Variants in PER2 observed in about 807,000 individuals in gnomAD.
The protein encoded by PER2 is period circadian protein homolog 2.
Under a neutral mutation model 121.0 loss-of-function variants are expected in PER2, and 66 were observed. The observed-to-expected ratio is 0.55, with a 90% CI of 0.45 to 0.67. The LOEUF (loss-of-function observed/expected upper bound fraction) is 0.67, where lower values mean the gene tolerates loss of function less well. Ranked by LOEUF, PER2 falls within the 30% of genes least tolerant of loss-of-function variation. The probability of loss-of-function intolerance (pLI) is 0.00; values close to 1 mark genes in which losing one functional copy is unlikely to be tolerated. For missense variants in PER2, 1,521 were observed against 1,635.0 expected, an observed-to-expected ratio of 0.93 and a Z score of 1.20; for synonymous variants, 684 against 659.9, an observed-to-expected ratio of 1.04 and a Z score of -0.56.
intron 11 of PER2, 62 bp downstream of exon 11, chr2:238,262,129 G>T: frequency 6.6e-7 from 1 of 1,503,816 alleles, no homozygotes; most frequent in Non-Finnish European, 9.2e-7. Context: ...GCTGGGAGGT[G>T]AGGACAGCCC....
At chr2:238,286,055 C>T (rs1206172300) in intron 1 of PER2, among the ~76,000 whole-genome samples, 2 of 152,126 alleles carry the variant, frequency 1.3e-5, no homozygotes, top group Non-Finnish European at 2.9e-5. Context: ...GAGGCATTGT[C>T]TTGGCCTCAC....
intron 4 of PER2, among the ~76,000 whole-genome samples, chr2:238,274,686 G>T (rs1045247141): frequency 1.3e-5 from 2 of 152,198 alleles, no homozygotes; most frequent in Non-Finnish European, 2.9e-5. Flanking sequence ...CCACAGGCAC[G>T]CAGGCCCAGA....
chr2:238,284,714 A>G (rs1363883290), intron 1 of PER2, among the ~76,000 whole-genome samples: 1 of 152,204 alleles, frequency 6.6e-6, no homozygotes, highest in African/African-American at 2.4e-5. Context: ...GCCTGTCTAA[A>G]TACGATTCAC....
chr2:238,255,425 G>C (rs374918916), intron 18 of PER2: 2 of 597,772 alleles, frequency 3.3e-6, no homozygotes, highest in Non-Finnish European at 6.0e-6. Flanking sequence ...TTCCCACCTC[G>C]GGCACTAGCC....
chr2:238,253,792 C>G lies in PER2; in HGVS notation c.2321-90G>C. On this transcript the variant is annotated intron_variant, in intron 18 of 22. Coordinates refer to ENST00000254657, the MANE Select transcript of PER2 (RefSeq NM_022817.3). This position sits in a 1 kb window ranked among gnomAD's most constrained non-coding sequence, Gnocchi z 5.6. ...TTCAACAGTCCTGGGTTTCCAAATG[C>G]TGGCCCAGGGCCTGCCTGGTCCACC... The G allele has an allele frequency of 9.5e-7, 1 of 1,048,332 alleles. No individual in the cohort carries two copies. 64.9% of individuals were successfully genotyped at this position (1,048,332 alleles called of 1,614,324 possible).
intron 9 of PER2, 127 bp downstream of exon 9, chr2:238,265,385 T>C: frequency 1.5e-6 from 1 of 680,478 alleles, no homozygotes; most frequent in South Asian, 1.6e-5. Context: ...ATTATTTCAT[T>C]GCCTGTATAT....
At chr2:238,282,567 G>A (rs1696661544) in intron 1 of PER2, among the ~76,000 whole-genome samples, 1 of 152,248 alleles carries the variant, frequency 6.6e-6, no homozygotes, top group African/African-American at 2.4e-5. Context: ...AGACATAGAT[G>A]AACAAGTCCA....
intron 9 of PER2, among the ~76,000 whole-genome samples, chr2:238,265,223 T>A (rs968845230): frequency 2.0e-5 from 3 of 152,068 alleles, no homozygotes; most frequent in Non-Finnish European, 4.4e-5. Flanking sequence ...CTGACACTGG[T>A]CCCAGGCAAC....
chr2:238,250,455 C>T lies in PER2; in HGVS notation c.3467+96G>A, dbSNP rs528715449. 30 of 841,666 alleles carry T rather than the reference C, an allele frequency of 3.6e-5. 1 individual carries two copies. Among genetic ancestry groups the T allele is most frequent in the South Asian group, 2.0e-4 (14 of 69,492 alleles). 52.1% of individuals were successfully genotyped at this position (841,666 alleles called of 1,614,324 possible). A position where few individuals can be genotyped will look rare whatever the true frequency, so the allele number is the denominator to read the frequency against. ...GCTAAATCTAAGTCTTTCAGAGGGG[C>T]GTCCCGCCCCATCTGAATGACCTTG... On this transcript the variant is annotated intron_variant, in intron 21 of 22. Coordinates refer to ENST00000254657, the MANE Select transcript of PER2 (RefSeq NM_022817.3).
chr2:238,275,785 C>T lies in PER2; in HGVS notation c.406G>A (p.Ala136Thr). The stretch of plus-strand genomic sequence containing the variant: ...CTCCTGAGGGCGTACTTCAAGGTGG[C>T]CAGCGTACTGGCCTTGCCCTTGGCC... Reference protein sequence around the residue: ...KKAKGKASTLATLKYALRSVK... With the variant: ...KKAKGKASTLTTLKYALRSVK... Residue 136 changes from alanine (A) to threonine (T), a missense_variant, in exon 4 of 23, where the codon GCC becomes ACC. By Grantham distance (58) the Ala-to-Thr change is moderately conservative. Coordinates refer to ENST00000254657, the MANE Select transcript of PER2 (RefSeq NM_022817.3). 1 of 1,614,210 alleles carries T rather than the reference C, an allele frequency of 6.2e-7. No homozygotes were observed. The highest frequency in any genetic ancestry group is 8.5e-7 in the Non-Finnish European group (1 of 1,180,016).
In PER2 at chr2:238,252,792, C is replaced by T. The variant is rs1401732294; in HGVS notation, c.3111+120G>A. Reference sequence around the variant, plus strand: ...GCACACACATTCATGGCAAAACCTACAGGGTTTGGTGGAAACCTCAATCGT... The same window carrying T: ...GCACACACATTCATGGCAAAACCTATAGGGTTTGGTGGAAACCTCAATCGT... On this transcript the variant is annotated intron_variant, in intron 19 of 22. Transcript: ENST00000254657. The surrounding 1 kb of genome is among the most constrained non-coding windows in gnomAD (Gnocchi z 4.2). 4 of 886,746 alleles carry T rather than the reference C, an allele frequency of 4.5e-6. No individual in the cohort carries two copies. Among genetic ancestry groups the T allele is most frequent in the South Asian group, 2.6e-5 (2 of 76,488 alleles). The allele number at this position is 886,746 out of a possible 1,614,324, so 54.9% of individuals were successfully genotyped here.
chr2:238,293,057 A>G (rs1696975419), upstream of PER2, among the ~76,000 whole-genome samples: 1 of 141,476 alleles, frequency 7.1e-6, no homozygotes. Flanking sequence ...TTTTTTTTTC[A>G]TCATACATAG....
At chr2:238,276,109 C>T (rs1460399301) in intron 3 of PER2, among the ~76,000 whole-genome samples, 1 of 132,870 alleles carries the variant, frequency 7.5e-6, no homozygotes, top group Non-Finnish European at 1.6e-5. Flanking sequence ...TTTTCTCAGC[C>T]TCGGCTCTAG....
intron 14 of PER2, 120 bp downstream of exon 14, chr2:238,259,849 G>A (rs1695873168): frequency 4.5e-6 from 3 of 665,722 alleles, no homozygotes; most frequent in African/African-American, 1.8e-5. Context: ...AGAAGGGGGT[G>A]TGACACGGCT....
chr2:238,246,911 A>G (rs1414601498), intron 22 of PER2, among the ~76,000 whole-genome samples: 1 of 152,176 alleles, frequency 6.6e-6, no homozygotes, highest in African/African-American at 2.4e-5. Context: ...AGTAAGGTGC[A>G]GGTGACCAGG....
At chr2:238,280,053 G>T (rs1696584144) in intron 1 of PER2, among the ~76,000 whole-genome samples, 1 of 152,212 alleles carries the variant, frequency 6.6e-6, no homozygotes, top group Non-Finnish European at 1.5e-5. Context: ...CCTGTGGGAA[G>T]GAGAGGTTCT....
chr2:238,251,208 G>A (rs1695588011), intron 20 of PER2, among the ~76,000 whole-genome samples: 1 of 152,248 alleles, frequency 6.6e-6, no homozygotes, highest in African/African-American at 2.4e-5. Flanking sequence ...GTACATTTCT[G>A]GTGCCTGAGA....
upstream of PER2, chr2:238,289,154 G>C (rs1559340107): frequency 6.6e-6 from 1 of 152,174 alleles, no homozygotes; most frequent in Non-Finnish European, 1.5e-5. Flanking sequence ...ACCTCCGGCC[G>C]GCCTGGCAGA....
chr2:238,267,693 G>A (rs1443322911), intron 8 of PER2, among the ~76,000 whole-genome samples: 2 of 152,198 alleles, frequency 1.3e-5, no homozygotes, highest in Admixed American at 6.5e-5. Flanking sequence ...TGAGGCTGAG[G>A]CATGGGGCAG....
Sources: gnomAD v4.1 joint callset for allele counts (sites outside exome capture counted in the v4.1 genomes callset) on GRCh38, gnomAD v4.1.1 for gene constraint, Gnocchi (gnomAD v3.1) non-coding constraint, MANE v1.5 for transcripts, NCBI Gene and HGNC (gene_info 2026-07-23, HGNC 2026-07-21) for gene names.